Variants in LIN9 observed in about 807,000 individuals in gnomAD.
LIN9 encodes protein lin-9 homolog.
In LIN9, 18 loss-of-function variants were observed where a neutral mutation model predicts 78.0. The ratio of observed to expected loss-of-function variants is 0.23; its 90% confidence interval spans 0.16 to 0.34. The LOEUF (loss-of-function observed/expected upper bound fraction) is 0.34. Ranked by LOEUF, LIN9 falls within the 10% of genes least tolerant of loss-of-function variation. The pLI is 1.00. For missense variants in LIN9, 451 were observed against 644.1 expected, an observed-to-expected ratio of 0.70 and a Z score of 3.25; for synonymous variants, 192 against 215.2, an observed-to-expected ratio of 0.89 and a Z score of 0.94.
intron 1 of LIN9, among the ~76,000 whole-genome samples, chr1:226,302,265 C>T (rs756674567): frequency 2.6e-5 from 4 of 151,980 alleles, no homozygotes; most frequent in Non-Finnish European, 4.4e-5. Flanking sequence ...ATAGAGAGGC[C>T]GGGTGCGGTG....
Position 226,265,714 on chromosome 1 carries a change from G to T in LIN9, c.937-80C>A. The T allele has an allele frequency of 1.3e-6, 1 of 762,294 alleles. No individual in the cohort carries two copies. Among genetic ancestry groups the T allele is most frequent in the Non-Finnish European group, 2.1e-6 (1 of 477,282 alleles). The allele number at this position is 762,294 out of a possible 1,614,324, so 47.2% of individuals were successfully genotyped here. ...ATTTTTTTATTTTTATTTTTTTTTA[G>T]ACGGAGTCTCGCTCTGTTGCCACTT... On this transcript the variant is annotated intron_variant, in intron 9 of 14. Coordinates refer to ENST00000681046, the MANE Select transcript of LIN9 (RefSeq NM_001366245.2). The surrounding 1 kb of genome is among the most constrained non-coding windows in gnomAD (Gnocchi z 4.1).
chr1:226,292,157 G>C (rs1250670491), intron 4 of LIN9, among the ~76,000 whole-genome samples: 1 of 152,072 alleles, frequency 6.6e-6, no homozygotes, highest in Admixed American at 6.6e-5. Context: ...AATTGTTAGA[G>C]GGAATCTTCT....
chr1:226,277,646 G>T, intron 7 of LIN9, 129 bp downstream of exon 7: 1 of 820,882 alleles, frequency 1.2e-6, no homozygotes, highest in Non-Finnish European at 1.9e-6. Flanking sequence ...TAGGGTGAGG[G>T]TTAACGATGT....
chr1:226,237,809 C>T (rs1202774833), intron 12 of LIN9, among the ~76,000 whole-genome samples: 7 of 149,120 alleles, frequency 4.7e-5, no homozygotes, highest in Non-Finnish European at 7.4e-5. Flanking sequence ...AAAAATTAGC[C>T]GGGCATGGTG....
intron 1 of LIN9, among the ~76,000 whole-genome samples, chr1:226,307,389 T>A (rs556001994): frequency 6.6e-6 from 1 of 152,274 alleles, no homozygotes; most frequent in East Asian, 1.9e-4. Context: ...TCCCAGCACT[T>A]TGGGAGGCCG....
intron 10 of LIN9, among the ~76,000 whole-genome samples, chr1:226,264,800 GA>G (rs1161643982): frequency 2.0e-5 from 3 of 152,064 alleles, no homozygotes; most frequent in African/African-American, 7.2e-5. Context: ...AGTGAGCCCA[GA>G]CTGACCCACT....
Position 226,246,001 on chromosome 1 carries a change from T to G in LIN9, c.1119+4838A>C, listed in dbSNP as rs372153595. Among the ~76,000 whole-genome samples the G allele has an allele frequency of 9.8e-5, 15 of 152,362 alleles. No homozygotes were observed. The East Asian group carries it at 2.1e-3, about 22-fold the overall frequency. On this transcript the variant is annotated intron_variant, in intron 11 of 14. Transcript: ENST00000681046. ...CATCTTTGATTTATCTAGGCCTATA[T>G]GTATATACACCCCTACCCTGACCAA...
chr1:226,298,203 T>A (rs954333289), intron 2 of LIN9, among the ~76,000 whole-genome samples: 3 of 152,228 alleles, frequency 2.0e-5, no homozygotes, highest in Admixed American at 6.5e-5. Context: ...AGCACATTTC[T>A]TTTTTACTTT....
chr1:226,288,264 G>A (rs555316655), intron 4 of LIN9, among the ~76,000 whole-genome samples: 16 of 152,172 alleles, frequency 1.1e-4, no homozygotes, highest in East Asian at 5.8e-4. Context: ...GAGCCACAGC[G>A]CCCAGCTTAG....
chr1:226,297,627 T>G, intron 3 of LIN9, 92 bp downstream of exon 3: 1 of 719,340 alleles, frequency 1.4e-6, no homozygotes, highest in Non-Finnish European at 1.9e-6. Context: ...AACTTGTAAA[T>G]TTTTTACTGT....
chr1:226,299,886 T>C (rs1277698280), intron 2 of LIN9, among the ~76,000 whole-genome samples: 2 of 152,126 alleles, frequency 1.3e-5, no homozygotes, highest in Admixed American at 1.3e-4. Context: ...ATTATTCTTT[T>C]ATTTTTATTT....
intron 7 of LIN9, among the ~76,000 whole-genome samples, chr1:226,270,931 T>C (rs148859900): frequency 2.6e-5 from 4 of 152,220 alleles, no homozygotes; most frequent in Admixed American, 1.3e-4. Flanking sequence ...AAAATCTTTT[T>C]TATTTCTTTT....
intron 7 of LIN9, among the ~76,000 whole-genome samples, chr1:226,276,021 T>C (rs1660634657): frequency 6.6e-6 from 1 of 152,070 alleles, no homozygotes; most frequent in Non-Finnish European, 1.5e-5. Flanking sequence ...GAGCAAGACT[T>C]TGTCTCAAAA....
intron 6 of LIN9, among the ~76,000 whole-genome samples, chr1:226,279,437 C>T (rs139192082): frequency 1.4e-3 from 206 of 151,276 alleles, no homozygotes; most frequent in African/African-American, 4.7e-3. Context: ...GCACTCCAGC[C>T]TGCACAACAG....
At chr1:226,307,287 G>A (rs1662974567) in intron 1 of LIN9, among the ~76,000 whole-genome samples, 1 of 152,230 alleles carries the variant, frequency 6.6e-6, no homozygotes, top group South Asian at 2.1e-4. Flanking sequence ...AACATTTTCG[G>A]ATGACAAGTA....
At chr1:226,269,589 A>G (rs1008819281) in intron 7 of LIN9, among the ~76,000 whole-genome samples, 2 of 152,236 alleles carry the variant, frequency 1.3e-5, no homozygotes, top group Admixed American at 1.3e-4. Context: ...GTGGTCGATG[A>G]GAATGGTTTT....
intron 5 of LIN9, among the ~76,000 whole-genome samples, chr1:226,286,851 C>T (rs1420518153): frequency 6.6e-6 from 1 of 152,168 alleles, no homozygotes; most frequent in Non-Finnish European, 1.5e-5. Context: ...CACTGGAGGA[C>T]TCCAGAGGGT....
intron 1 of LIN9, chr1:226,308,831 C>G (rs942503624): frequency 2.1e-5 from 5 of 243,874 alleles, no homozygotes; most frequent in Non-Finnish European, 3.9e-5. Context: ...GGAGTGGCGC[C>G]AGGGGAGCAG....
intron 10 of LIN9, among the ~76,000 whole-genome samples, chr1:226,255,227 C>T (rs892177901): frequency 6.6e-6 from 1 of 152,172 alleles, no homozygotes; most frequent in Admixed American, 6.6e-5. Flanking sequence ...TGCAGAAATA[C>T]TCCCTCTTGC....
Sources: gnomAD v4.1 joint callset for allele counts (sites outside exome capture counted in the v4.1 genomes callset) on GRCh38, gnomAD v4.1.1 for gene constraint, Gnocchi (gnomAD v3.1) non-coding constraint, MANE v1.5 for transcripts, NCBI Gene and HGNC (gene_info 2026-07-23, HGNC 2026-07-21) for gene names.